The following EPS15L1 variants were observed in gnomAD, a reference collection of about 807,000 sequenced individuals.
EPS15L1 encodes epidermal growth factor receptor substrate 15-like 1.
EPS15L1 carries 43 observed loss-of-function variants against 117.1 expected under a neutral mutation model. The observed-to-expected ratio is 0.37, with a 90% CI of 0.29 to 0.47. EPS15L1 has a LOEUF of 0.47. EPS15L1 is among the 20% of genes least tolerant of loss of function. The probability of loss-of-function intolerance (pLI) is 0.99; values close to 1 mark genes in which losing one functional copy is unlikely to be tolerated. For missense variants in EPS15L1, 981 were observed against 1,164.0 expected (o/e 0.84, Z 2.29); for synonymous variants, 459 against 470.5 (o/e 0.98, Z 0.32).
intron 10 of EPS15L1, among the ~76,000 whole-genome samples, chr19:16,419,082 A>G (rs1012380507): frequency 6.6e-6 from 1 of 152,248 alleles, no homozygotes; most frequent in African/African-American, 2.4e-5. Flanking sequence ...ATGTCCTGAA[A>G]GATGGGCCAA....
chr19:16,434,826 T>A (rs986026375), intron 6 of EPS15L1: 2 of 211,420 alleles, frequency 9.5e-6, no homozygotes, highest in Admixed American at 1.1e-4. Context: ...CAAAGATCAG[T>A]CTCACCTGCC....
At chr19:16,398,604 G>A (rs1412004516) in intron 16 of EPS15L1, among the ~76,000 whole-genome samples, 5 of 152,228 alleles carry the variant, frequency 3.3e-5, no homozygotes, top group Admixed American at 6.5e-5. Flanking sequence ...CCTGGATAAA[G>A]CAGCGAGTTA....
At chr19:16,413,082 A>G (rs1464273560) in intron 13 of EPS15L1, 4 of 692,408 alleles carry the variant, frequency 5.8e-6, no homozygotes, top group Non-Finnish European at 1.1e-5. Context: ...GTTTGTTGCT[A>G]TCGGGGACTA....
In EPS15L1 at chr19:16,428,829, G is replaced by A. The variant is rs372294525; in HGVS notation, c.499-68C>T. 368 of 1,284,728 alleles carry A rather than the reference G, an allele frequency of 2.9e-4. No homozygotes were observed. The African/African-American group carries it at 4.4e-3, about 16-fold the overall frequency. The allele number at this position is 1,284,728 out of a possible 1,614,324, so 79.6% of individuals were successfully genotyped here. On this transcript the variant is annotated intron_variant, in intron 7 of 23. Transcript: ENST00000455140. Reference sequence around the variant, plus strand: ...CTGGGTGAGAGTGAGACCACCTGCCGGAACTCAGACTCTCAGCCGTGGCAC... The same window carrying A: ...CTGGGTGAGAGTGAGACCACCTGCCAGAACTCAGACTCTCAGCCGTGGCAC...
chr19:16,372,002 C>A (rs78944952), intron 22 of EPS15L1, among the ~76,000 whole-genome samples: 2,123 of 152,296 alleles, frequency 0.014, 55 homozygotes, highest in African/African-American at 0.049. Context: ...AAAACAGACA[C>A]CTGCTGGTTA....
chr19:16,441,849 G>T, intron 3 of EPS15L1, 43 bp downstream of exon 3: 1 of 1,517,612 alleles, frequency 6.6e-7, no homozygotes, highest in Non-Finnish European at 9.1e-7. Flanking sequence ...GGGGAGCTGT[G>T]AGGGCAGCCA....
intron 22 of EPS15L1, among the ~76,000 whole-genome samples, chr19:16,374,647 G>A (rs1195573930): frequency 1.3e-5 from 2 of 152,234 alleles, no homozygotes; most frequent in African/African-American, 2.4e-5. Context: ...GTTTAGGTAC[G>A]TGGGGAGGCG....
intron 21 of EPS15L1, among the ~76,000 whole-genome samples, chr19:16,377,954 C>A (rs1269833077): frequency 6.6e-6 from 1 of 152,230 alleles, no homozygotes; most frequent in Non-Finnish European, 1.5e-5. Flanking sequence ...CTGTCTCAAA[C>A]CCAAATCGGA....
chr19:16,381,254 G>A lies in EPS15L1; in HGVS notation c.2247+3875C>T, dbSNP rs950754852. The stretch of plus-strand genomic sequence containing the variant: ...TCTGCCTTACACACAAGGAAACTGA[G>A]GCACACAAAGGAGGCGCAGCCTGCC... On this transcript the variant is annotated intron_variant, in intron 21 of 23. Coordinates refer to ENST00000455140, the MANE Select transcript of EPS15L1 (RefSeq NM_001258374.3). The surrounding 1 kb of genome is among the most constrained non-coding windows in gnomAD (Gnocchi z 4.2). Among the ~76,000 whole-genome samples, 6 of 152,272 alleles carry A rather than the reference G, an allele frequency of 3.9e-5. No homozygotes were observed. Among genetic ancestry groups the A allele is most frequent in the Non-Finnish European group, 8.8e-5 (6 of 68,052 alleles).
chr19:16,372,208 T>C (rs1346210793), intron 22 of EPS15L1, among the ~76,000 whole-genome samples: 1 of 152,196 alleles, frequency 6.6e-6, no homozygotes, highest in Non-Finnish European at 1.5e-5. Flanking sequence ...AGCTGTACGC[T>C]GTGACCGGAA....
chr19:16,393,690 T>A lies in EPS15L1; in HGVS notation c.1966+261A>T, dbSNP rs573836334. On this transcript the variant is annotated intron_variant, in intron 18 of 23. Coordinates refer to ENST00000455140, the MANE Select transcript of EPS15L1 (RefSeq NM_001258374.3). The stretch of plus-strand genomic sequence containing the variant: ...AAAAATAAATAAATAAATAAATAAA[T>A]AAAATAAATAAATAAATTAGCAAGC... Among the ~76,000 whole-genome samples, 680 of 149,154 alleles carry A rather than the reference T, an allele frequency of 4.6e-3. 8 individuals carry two copies. The highest frequency in any genetic ancestry group is 0.015 in the African/African-American group (626 of 40,622).
chr19:16,411,154 CA>C (rs1429617184), intron 13 of EPS15L1, among the ~76,000 whole-genome samples: 2 of 152,136 alleles, frequency 1.3e-5, no homozygotes, highest in South Asian at 2.1e-4. Flanking sequence ...ATGTTCCTAG[CA>C]ACATTATTCA....
At chr19:16,452,432 G>A (rs1180018572) in intron 1 of EPS15L1, among the ~76,000 whole-genome samples, 2 of 150,332 alleles carry the variant, frequency 1.3e-5, no homozygotes, top group African/African-American at 4.9e-5. Flanking sequence ...GGCAACAGGA[G>A]TGAAATTCCA....
At chr19:16,374,318 A>G (rs1242888456) in intron 22 of EPS15L1, among the ~76,000 whole-genome samples, 1 of 152,184 alleles carries the variant, frequency 6.6e-6, no homozygotes, top group Non-Finnish European at 1.5e-5. Context: ...ATTTCTGCAG[A>G]GCACCGAGTG....
At chr19:16,360,177 A>T (rs982198891) in intron 23 of EPS15L1, among the ~76,000 whole-genome samples, 2 of 151,776 alleles carry the variant, frequency 1.3e-5, no homozygotes, top group Non-Finnish European at 2.9e-5. Flanking sequence ...GCTGCCGTTC[A>T]CCCCACTTAC....
At chr19:16,440,749 G>A in intron 4 of EPS15L1, 113 bp downstream of exon 4, 1 of 903,098 alleles carries the variant, frequency 1.1e-6, no homozygotes, top group South Asian at 1.5e-5. Flanking sequence ...TGACAGCCGT[G>A]CTCATGCCTA....
At chr19:16,462,959 C>G (rs992893451) in intron 1 of EPS15L1, among the ~76,000 whole-genome samples, 1 of 152,198 alleles carries the variant, frequency 6.6e-6, no homozygotes, top group African/African-American at 2.4e-5. Context: ...TGGGTGCCAC[C>G]TGACTTCCAC....
chr19:16,456,728 G>C (rs1214837500), intron 1 of EPS15L1, among the ~76,000 whole-genome samples: 1 of 152,132 alleles, frequency 6.6e-6, no homozygotes, highest in East Asian at 1.9e-4. Context: ...GCGGGACAAA[G>C]TCAGCCCAGG....
intron 18 of EPS15L1, among the ~76,000 whole-genome samples, chr19:16,393,345 T>G (rs2092501170): frequency 6.6e-6 from 1 of 151,762 alleles, no homozygotes. Context: ...TACATAAATT[T>G]CACCTGAAAA....
Sources: gnomAD v4.1 joint callset for allele counts (sites outside exome capture counted in the v4.1 genomes callset) on GRCh38, gnomAD v4.1.1 for gene constraint, Gnocchi (gnomAD v3.1) non-coding constraint, MANE v1.5 for transcripts, NCBI Gene and HGNC (gene_info 2026-07-23, HGNC 2026-07-21) for gene names.